CAST: variants seen among roughly 807,000 people sequenced by gnomAD.
CAST encodes MIR583 host.
Under a neutral mutation model 119.6 loss-of-function variants are expected in CAST, and 76 were observed. The ratio of observed to expected loss-of-function variants is 0.64; its 90% CI spans 0.53 to 0.77. The LOEUF (loss-of-function observed/expected upper bound fraction) is 0.77, where lower values mean the gene tolerates loss of function less well. Ranked by LOEUF, CAST falls within the 30% of genes least tolerant of loss-of-function variation. The pLI, the probability that CAST is intolerant of heterozygous loss-of-function variation, is 0.00. For synonymous variants in CAST, 319 were observed against 331.6 expected, an observed-to-expected ratio of 0.96 and a Z score of 0.41; for missense variants, 953 against 946.5, an observed-to-expected ratio of 1.01 and a Z score of -0.09.
At position 96,736,195 on chromosome 5, in the gene CAST, C is replaced by T. The variant is rs1761605927; in HGVS notation, c.654C>T (p.Thr218=). ...AGAAAAAAGAAAAGAAATCATTAAC[C>T]CCAGCTGTGCCAGTTGAATCTAAAC... ...GDKKKEKKSL[T]PAVPVESKPD... is the part of the protein sequence containing the mutation. The change falls in exon 10 of 32, where the codon ACC becomes ACT. Residue 218 remains threonine, a synonymous_variant. Coordinates refer to ENST00000675179, the MANE Select transcript of CAST (RefSeq NM_001750.7). 4 of 1,612,080 alleles carry T rather than the reference C, an allele frequency of 2.5e-6. No homozygotes were observed. In the African/African-American group the frequency reaches 4.0e-5, roughly 16 times the overall value.
the CAST span, among the ~76,000 whole-genome samples, chr5:96,015,244 G>A: frequency 7.9e-5 from 12 of 152,056 alleles, no homozygotes; most frequent in East Asian, 2.3e-3. Context: ...TGTTGATGTA[G>A]CTTTTATTTT....
the CAST span, among the ~76,000 whole-genome samples, chr5:96,086,339 C>A: frequency 1.3e-5 from 2 of 152,036 alleles, no homozygotes; most frequent in African/African-American, 4.8e-5. Context: ...GATGGTGAAG[C>A]CTCAACAATT....
At chr5:96,557,735 G>C (rs1026530056) in intron 1 of CAST, among the ~76,000 whole-genome samples, 1 of 152,102 alleles carries the variant, frequency 6.6e-6, no homozygotes, top group Non-Finnish European at 1.5e-5. Context: ...AAGAAACTTA[G>C]ACTCCCACAC....
the CAST span, among the ~76,000 whole-genome samples, chr5:96,465,761 TTAAAAATCATGATGGA>T: frequency 6.6e-6 from 1 of 152,126 alleles, no homozygotes; most frequent in Admixed American, 6.6e-5. Flanking sequence ...ATGAGGGTTT[TTAAAAATCATGATGGA>T]TATGGAATTT....
chr5:96,360,126 A>C, the CAST span, among the ~76,000 whole-genome samples: 2 of 151,532 alleles, frequency 1.3e-5, no homozygotes, highest in Non-Finnish European at 2.9e-5. Flanking sequence ...TGATCGCTTC[A>C]GCTATTGATA....
chr5:96,748,778 AC>A (rs1329345700), intron 19 of CAST, 165 bp downstream of exon 19: 23 of 532,918 alleles, frequency 4.3e-5, no homozygotes, highest in Non-Finnish European at 6.4e-5. Context: ...TTCTGCCCCA[AC>A]CTAACCCTGA....
the CAST span, among the ~76,000 whole-genome samples, chr5:96,290,048 A>G: frequency 6.6e-6 from 1 of 152,150 alleles, no homozygotes; most frequent in Admixed American, 6.6e-5. Context: ...TACTTCAAGC[A>G]TTGGTTTAAT....
chr5:96,231,497 G>C, the CAST span, among the ~76,000 whole-genome samples: 9 of 152,148 alleles, frequency 5.9e-5, 1 homozygote, highest in African/African-American at 2.2e-4. Flanking sequence ...GAAAAGAATA[G>C]AAAGTGATTT....
the CAST span, among the ~76,000 whole-genome samples, chr5:96,395,843 T>TGA: frequency 4.6e-5 from 7 of 151,954 alleles, no homozygotes; most frequent in East Asian, 1.2e-3. Context: ...AATAAATAAA[T>TGA]AAGAGGTCTA....
chr5:96,181,276 A>G, the CAST span, among the ~76,000 whole-genome samples: 1 of 152,228 alleles, frequency 6.6e-6, no homozygotes, highest in Non-Finnish European at 1.5e-5. Flanking sequence ...TTTATATATC[A>G]GGATTTTTCT....
At chr5:95,997,199 G>A in the CAST span, among the ~76,000 whole-genome samples, 2 of 152,098 alleles carry the variant, frequency 1.3e-5, no homozygotes, top group South Asian at 4.1e-4. Flanking sequence ...ATTGATTTTT[G>A]ATTCACATAT....
chr5:96,254,291 T>C, the CAST span, among the ~76,000 whole-genome samples: 3 of 152,118 alleles, frequency 2.0e-5, no homozygotes, highest in African/African-American at 4.8e-5. Flanking sequence ...TTCTAGTATG[T>C]CTTAGAATAT....
intron 6 of CAST, 127 bp downstream of exon 6, chr5:96,727,657 A>G: frequency 1.9e-6 from 1 of 532,458 alleles, no homozygotes. Context: ...TAATTTTTAG[A>G]CCCTTTTGAA....
At chr5:96,246,752 C>G in the CAST span, among the ~76,000 whole-genome samples, 1 of 152,218 alleles carries the variant, frequency 6.6e-6, no homozygotes, top group South Asian at 2.1e-4. Flanking sequence ...ATTTCACCCA[C>G]TTTCACATTT....
intron 16 of CAST, among the ~76,000 whole-genome samples, chr5:96,743,361 T>C (rs1453325214): frequency 6.6e-6 from 1 of 152,204 alleles, no homozygotes; most frequent in African/African-American, 2.4e-5. Flanking sequence ...TTGTGGAATT[T>C]TTCAACTCAG....
the CAST span, among the ~76,000 whole-genome samples, chr5:96,076,902 A>C: frequency 6.6e-6 from 1 of 151,610 alleles, no homozygotes; most frequent in East Asian, 1.9e-4. Flanking sequence ...GTATCTTCCC[A>C]ATATGATATA....
chr5:96,448,513 A>AT, the CAST span, among the ~76,000 whole-genome samples: 3 of 152,102 alleles, frequency 2.0e-5, no homozygotes, highest in African/African-American at 7.2e-5. Context: ...CGTGCCCCCT[A>AT]TTGACTGTTA....
chr5:96,309,941 G>T, the CAST span, among the ~76,000 whole-genome samples: 1 of 152,114 alleles, frequency 6.6e-6, no homozygotes, highest in Non-Finnish European at 1.5e-5. Flanking sequence ...TTACTTTATT[G>T]GTCTGCAAGG....
chr5:96,399,019 C>T, the CAST span: 3 of 1,611,316 alleles, frequency 1.9e-6, no homozygotes, highest in East Asian at 2.2e-5. Context: ...GATAACTTCT[C>T]CATTAGCTTT....
Sources: allele counts gnomAD v4.1 joint callset (sites outside exome capture counted in the v4.1 genomes callset), GRCh38; gene constraint gnomAD v4.1.1; transcripts MANE v1.5; gene names NCBI Gene and HGNC (gene_info 2026-07-23, HGNC 2026-07-21).